The following STAU2 variants were observed in gnomAD, a reference collection of about 807,000 sequenced individuals.
STAU2 encodes the protein double-stranded RNA-binding protein Staufen homolog 2.
Under a neutral mutation model 65.9 loss-of-function variants are expected in STAU2, and 20 were observed. The observed-to-expected ratio is 0.30, with a 90% CI of 0.21 to 0.44. STAU2 has a LOEUF of 0.44. STAU2 is among the 20% of genes least tolerant of loss of function. The pLI, the probability that STAU2 is intolerant of heterozygous loss-of-function variation, is 1.00. For synonymous variants in STAU2, 232 were observed against 233.9 expected (o/e 0.99, Z 0.07); for missense variants, 558 against 683.9 (o/e 0.82, Z 2.05).
At chr8:73,696,700 A>T (rs914363855) in intron 4 of STAU2, among the ~76,000 whole-genome samples, 3 of 152,224 alleles carry the variant, frequency 2.0e-5, no homozygotes, top group African/African-American at 7.2e-5. Flanking sequence ...AGACAAAAGA[A>T]AAAAATTAAA....
chr8:73,531,070 T>C (rs1325361548), intron 13 of STAU2, among the ~76,000 whole-genome samples: 2 of 152,092 alleles, frequency 1.3e-5, no homozygotes, highest in African/African-American at 2.4e-5. Flanking sequence ...GCCCATGAAA[T>C]AGACGTAAAG....
intron 13 of STAU2, among the ~76,000 whole-genome samples, chr8:73,481,587 C>T (rs1820637718): frequency 1.3e-5 from 2 of 151,156 alleles, no homozygotes. Flanking sequence ...CTTTCTGCAA[C>T]CCCACATTTA....
At chr8:73,655,600 T>C (rs1816294430) in intron 6 of STAU2, among the ~76,000 whole-genome samples, 1 of 151,572 alleles carries the variant, frequency 6.6e-6, no homozygotes, top group South Asian at 2.1e-4. Context: ...ATTGAAATTA[T>C]TAGCAGATAA....
intron 13 of STAU2, among the ~76,000 whole-genome samples, chr8:73,441,843 G>A (rs145812853): frequency 8.5e-5 from 13 of 152,310 alleles, no homozygotes; most frequent in African/African-American, 3.1e-4. Flanking sequence ...TGTCTCTAAT[G>A]TATTTTAAAC....
At chr8:73,575,264 G>A (rs1318633779) in intron 12 of STAU2, among the ~76,000 whole-genome samples, 1 of 152,042 alleles carries the variant, frequency 6.6e-6, no homozygotes, top group Non-Finnish European at 1.5e-5. Context: ...TTCTTAATAA[G>A]AGAAATGCAA....
At chr8:73,665,961 C>A (rs193181112) in intron 6 of STAU2, among the ~76,000 whole-genome samples, 2 of 152,104 alleles carry the variant, frequency 1.3e-5, no homozygotes. Flanking sequence ...AGTTACACTG[C>A]GTTGTTTAGG....
At chr8:73,635,908 CCACA>C (rs756554962) in intron 6 of STAU2, among the ~76,000 whole-genome samples, 37 of 74,934 alleles carry the variant, frequency 4.9e-4, no homozygotes, top group Middle Eastern at 8.9e-3. Flanking sequence ...GACCCCTGAA[CCACA>C]CACACACACA....
At chr8:73,647,201 T>A (rs1029682779) in intron 6 of STAU2, among the ~76,000 whole-genome samples, 3 of 152,224 alleles carry the variant, frequency 2.0e-5, no homozygotes, top group African/African-American at 7.2e-5. Context: ...ATATATTTAC[T>A]ACACAACTGA....
chr8:73,501,769 A>G (rs1345707168), intron 13 of STAU2, among the ~76,000 whole-genome samples: 1 of 152,054 alleles, frequency 6.6e-6, no homozygotes, highest in Non-Finnish European at 1.5e-5. Context: ...TCAATGCAAT[A>G]ATTATTCATT....
At chr8:73,590,430 C>G (rs932310694) in intron 11 of STAU2, 2 of 152,074 alleles carry the variant, frequency 1.3e-5, no homozygotes, top group Non-Finnish European at 2.9e-5. Flanking sequence ...GGAGCAAGAT[C>G]TTTAAAGTAC....
At chr8:73,718,244 T>G (rs1821391958) in intron 3 of STAU2, among the ~76,000 whole-genome samples, 1 of 152,236 alleles carries the variant, frequency 6.6e-6, no homozygotes, top group African/African-American at 2.4e-5. Flanking sequence ...TCATGTCCAA[T>G]AGTACTGTTT....
intron 13 of STAU2, among the ~76,000 whole-genome samples, chr8:73,456,446 C>T (rs1373272963): frequency 1.3e-5 from 2 of 152,088 alleles, no homozygotes; most frequent in Non-Finnish European, 2.9e-5. Context: ...TTTTGAACAC[C>T]TCCTAAGTGT....
intron 13 of STAU2, among the ~76,000 whole-genome samples, chr8:73,497,545 T>C (rs7823459): frequency 0.42 from 63,900 of 151,396 alleles, 14,488 homozygotes; most frequent in Non-Finnish European, 0.5. Flanking sequence ...CTGAGAAAAA[T>C]GTATAAACTA....
At chr8:73,590,265 C>CA (rs908328819) in intron 11 of STAU2, among the ~76,000 whole-genome samples, 3 of 147,078 alleles carry the variant, frequency 2.0e-5, no homozygotes, top group East Asian at 2.0e-4. Flanking sequence ...AAGGAAGAAA[C>CA]AAAAAAAATC....
intron 13 of STAU2, among the ~76,000 whole-genome samples, chr8:73,473,875 T>C (rs1820174785): frequency 6.6e-6 from 1 of 152,012 alleles, no homozygotes; most frequent in African/African-American, 2.4e-5. Flanking sequence ...AAGAGGAACA[T>C]TGTGAGAAAA....
At chr8:73,442,217 G>T (rs1162987315) in intron 13 of STAU2, among the ~76,000 whole-genome samples, 1 of 152,044 alleles carries the variant, frequency 6.6e-6, no homozygotes, top group Non-Finnish European at 1.5e-5. Flanking sequence ...AGCTGGGTGT[G>T]GTGGCGGGTG....
At chr8:73,485,578 C>G (rs1474584087) in intron 13 of STAU2, among the ~76,000 whole-genome samples, 4 of 151,974 alleles carry the variant, frequency 2.6e-5, no homozygotes, top group African/African-American at 9.7e-5. Context: ...ATGGCAAGCT[C>G]GGTAGCTCAG....
intron 13 of STAU2, chr8:73,439,983 T>C (rs985167026): frequency 2.6e-5 from 4 of 152,284 alleles, no homozygotes; most frequent in African/African-American, 9.6e-5. Flanking sequence ...AGCCCGACCA[T>C]GTCCTGGAGC....
intron 13 of STAU2, among the ~76,000 whole-genome samples, chr8:73,519,799 T>C (rs1822942932): frequency 6.6e-6 from 1 of 152,206 alleles, no homozygotes. Context: ...ACACTGAGAA[T>C]ACTGAGGTGA....
Sources: allele counts gnomAD v4.1 joint callset (sites outside exome capture counted in the v4.1 genomes callset), GRCh38; gene constraint gnomAD v4.1.1; transcripts MANE v1.5; gene names NCBI Gene and HGNC (gene_info 2026-07-23, HGNC 2026-07-21).